ESYT3: variants seen among roughly 807,000 people sequenced by gnomAD.
ESYT3 encodes the protein extended synaptotagmin 3, also known as extended synaptotagmin-3.
Under a neutral mutation model 111.5 loss-of-function variants are expected in ESYT3, and 101 were observed. The ratio of observed to expected loss-of-function variants is 0.91; its 90% confidence interval spans 0.77 to 1.07. The LOEUF (loss-of-function observed/expected upper bound fraction) is 1.07. ESYT3 is among the 50% of genes least tolerant of loss of function. The pLI is 0.00. For missense variants in ESYT3, 1,097 were observed against 1,109.4 expected, an observed-to-expected ratio of 0.99 and a Z score of 0.16; for synonymous variants, 416 against 446.8, an observed-to-expected ratio of 0.93 and a Z score of 0.87.
At chr3:138,463,543 ATTATG>A in intron 8 of ESYT3, among the ~76,000 whole-genome samples, 1 of 152,356 alleles carries the variant, frequency 6.6e-6, no homozygotes, top group Admixed American at 6.5e-5. Flanking sequence ...TTGATGGACC[ATTATG>A]TTGTGTTGGG....
In ESYT3 at chr3:138,459,173, A is replaced by G; in HGVS notation, c.582-14A>G. 6.8e-7 allele frequency: 1 copy of G among 1,480,670 alleles called. No individual in the cohort carries two copies. The highest frequency in any genetic ancestry group is 9.1e-7 in the Non-Finnish European group (1 of 1,103,622). The allele number at this position is 1,480,670 out of a possible 1,614,324, so 91.7% of individuals were successfully genotyped here. On this transcript the variant is annotated splice_polypyrimidine_tract_variant and intron_variant, in intron 4 of 22. Transcript: ENST00000389567. ...CCCCTCCTCCCCACCTTCCTTTTCC[A>G]CCCCCCATTTCAGCTACATCGGGGA...
chr3:138,468,785 G>A (rs2033067317), intron 13 of ESYT3, 34 bp from the exon 14 acceptor site: 3 of 1,614,006 alleles, frequency 1.9e-6, no homozygotes, highest in Non-Finnish European at 2.5e-6. Flanking sequence ...AAATTGTCCT[G>A]TGTTGCTTTA....
chr3:138,460,853 C>T (rs2032593294), intron 7 of ESYT3, among the ~76,000 whole-genome samples, 187 bp downstream of exon 7: 2 of 152,124 alleles, frequency 1.3e-5, no homozygotes, highest in African/African-American at 2.4e-5. Context: ...GGGCACTGTG[C>T]CCAGCACACC....
intron 18 of ESYT3, chr3:138,473,122 G>A: frequency 7.3e-7 from 1 of 1,378,106 alleles, no homozygotes; most frequent in Non-Finnish European, 9.3e-7. Flanking sequence ...GAACCATTGA[G>A]TTATACTGGG....
At position 138,472,485 on chromosome 3, in the gene ESYT3, A is replaced by G. The variant is rs1175668557; in HGVS notation, c.1863A>G (p.Glu621=). 4 of 1,614,240 alleles carry G rather than the reference A, an allele frequency of 2.5e-6. No homozygotes were observed. The highest frequency in any genetic ancestry group is 3.3e-5 in the Admixed American group (2 of 60,034). ...TNQGPKAQPQ[E]EGPTDLPCPP... ...AGGGTCCCAAAGCCCAACCTCAGGA[A>G]GAAGGCCCTACAGATTTGCCATGTC... Residue 621 remains glutamate, a synonymous_variant, in exon 18 of 23, where the codon GAA becomes GAG. Transcript: ENST00000389567.
intron 14 of ESYT3, 80 bp from the exon 15 acceptor site, chr3:138,469,355 CT>C: frequency 8.0e-7 from 1 of 1,257,702 alleles, no homozygotes; most frequent in Non-Finnish European, 1.2e-6. Context: ...CCCCCAGATG[CT>C]CCTGGGGGTT....
At position 138,435,391 on chromosome 3, in the gene ESYT3, G is replaced by A. The variant is rs961027255; in HGVS notation, c.327+266G>A. Among the ~76,000 whole-genome samples, 2 of 152,222 alleles carry A rather than the reference G, an allele frequency of 1.3e-5. No homozygotes were observed. The highest frequency in any genetic ancestry group is 4.8e-5 in the African/African-American group (2 of 41,458). ...GGTTTCATTTAAGGCCCCAGAGCTC[G>A]AGAGAAGAGTCACGGGCAGACCACA... On this transcript the variant is annotated intron_variant, in intron 1 of 22. Coordinates refer to ENST00000389567, the MANE Select transcript of ESYT3 (RefSeq NM_031913.5). This position sits in a 1 kb window ranked among gnomAD's most constrained non-coding sequence, Gnocchi z 4.8.
chr3:138,458,884 G>A (rs1287699551), intron 4 of ESYT3, among the ~76,000 whole-genome samples: 1 of 152,220 alleles, frequency 6.6e-6, no homozygotes, highest in Non-Finnish European at 1.5e-5. Context: ...GTATCGTGGG[G>A]TGAGGTGAGT....
At chr3:138,436,046 T>C (rs765016914) in intron 1 of ESYT3, among the ~76,000 whole-genome samples, 3 of 152,164 alleles carry the variant, frequency 2.0e-5, no homozygotes, top group Non-Finnish European at 4.4e-5. Flanking sequence ...GCCTGTGGCC[T>C]ATAAAGTCCA....
chr3:138,453,379 C>T (rs924605846), intron 2 of ESYT3, among the ~76,000 whole-genome samples: 1 of 152,110 alleles, frequency 6.6e-6, no homozygotes, highest in South Asian at 2.1e-4. Context: ...ACTAGGGCAC[C>T]GAGTGTGTCC....
chr3:138,462,456 A>G (rs2032701423), intron 8 of ESYT3: 1 of 562,350 alleles, frequency 1.8e-6, no homozygotes, highest in South Asian at 2.7e-5. Flanking sequence ...GTTTGTGACA[A>G]CTGACCATGA....
Position 138,468,800 on chromosome 3 carries a change from C to T in ESYT3, c.1372-19C>T, listed in dbSNP as rs57025506. 1,460 of 1,614,122 alleles carry T rather than the reference C, an allele frequency of 9.0e-4. 8 individuals are homozygous for T. In the African/African-American group the frequency reaches 0.016, roughly 18 times the overall value. On this transcript the variant is annotated intron_variant, in intron 13 of 22. Coordinates refer to ENST00000389567, the MANE Select transcript of ESYT3 (RefSeq NM_031913.5). ...AAATTGTCCTGTGTTGCTTTAACCC[C>T]GTTATTCCTGTGCTGCAGAGAAACC...
At chr3:138,470,651 A>G in intron 16 of ESYT3, 11 of 1,349,524 alleles carry the variant, frequency 8.2e-6, no homozygotes, top group Non-Finnish European at 1.0e-5. Context: ...TTGACAGACT[A>G]GCTCATACAG....
Position 138,472,785 on chromosome 3 carries a change from G to A in ESYT3, c.2163G>A (p.Leu721=). Residue 721 remains leucine (L), a synonymous_variant, in exon 18 of 23, where the codon CTG becomes CTA. Transcript: ENST00000389567. ...CATTCGCATGGCCGCCCAAGAGGCT[G>A]GCTCCCAGCATGTCCTCGCTCAACT... is the stretch of plus-strand genomic sequence containing the variant. ...ASPFAWPPKR[L]APSMSSLNSL... is the part of the protein sequence containing the mutation. The A allele has an allele frequency of 1.9e-6, 3 of 1,614,200 alleles. No individual in the cohort carries two copies. Among genetic ancestry groups the A allele is most frequent in the African/African-American group, 1.3e-5 (1 of 75,044 alleles).
chr3:138,455,722 C>T (rs377673831), intron 3 of ESYT3, among the ~76,000 whole-genome samples: 7 of 152,214 alleles, frequency 4.6e-5, no homozygotes, highest in Admixed American at 1.3e-4. Context: ...TAGTCAGTGC[C>T]GCCTAGCGCT....
intron 18 of ESYT3, chr3:138,473,091 T>TTCTGC (rs2033315820): frequency 7.1e-7 from 1 of 1,403,680 alleles, no homozygotes; most frequent in South Asian, 1.6e-5. Flanking sequence ...TGGACTCTGG[T>TTCTGC]TGGTAAGGTC....
In ESYT3 at chr3:138,453,946, C is replaced by T. The variant is rs563060685; in HGVS notation, c.370-1248C>T. 2.6e-3 allele frequency among the ~76,000 whole-genome samples: 403 copies of T among 152,320 alleles called. 1 individual carries two copies. The highest frequency in any genetic ancestry group is 8.5e-3 in the African/African-American group (355 of 41,566). On this transcript the variant is annotated intron_variant, in intron 2 of 22. Transcript: ENST00000389567. ...AAACGATCCTCCTGCCTCAGCCTCC[C>T]AAGGAGTTGTGACCCCGCTGTGTGC...
intron 1 of ESYT3, among the ~76,000 whole-genome samples, chr3:138,436,172 A>G (rs1324619389): frequency 1.3e-5 from 2 of 152,190 alleles, no homozygotes; most frequent in Non-Finnish European, 2.9e-5. Flanking sequence ...TCAGTCAGCC[A>G]TAACTGAGTA....
intron 7 of ESYT3, among the ~76,000 whole-genome samples, chr3:138,461,844 AG>A (rs2032657716): frequency 6.6e-6 from 1 of 152,188 alleles, no homozygotes; most frequent in South Asian, 2.1e-4. Context: ...AGAACAAAGT[AG>A]CCTGGAGGCA....
Sources: gnomAD v4.1 joint callset for allele counts (sites outside exome capture counted in the v4.1 genomes callset) on GRCh38, gnomAD v4.1.1 for gene constraint, Gnocchi (gnomAD v3.1) non-coding constraint, MANE v1.5 for transcripts, NCBI Gene and HGNC (gene_info 2026-07-23, HGNC 2026-07-21) for gene names.